The following NIM1K variants were observed in gnomAD, a reference collection of about 807,000 sequenced individuals.
NIM1K encodes the protein NIM1 serine/threonine protein kinase.
NIM1K carries 35 observed loss-of-function variants against 37.1 expected under a neutral mutation model. The observed-to-expected ratio is 0.94, with a 90% CI of 0.72 to 1.25. NIM1K has a LOEUF of 1.25. Among genes scored for constraint, NIM1K ranks in the 50% most tolerant of loss-of-function variants. The probability of loss-of-function intolerance (pLI) is 0.00; values close to 1 mark genes in which losing one functional copy is unlikely to be tolerated. For synonymous variants in NIM1K, 234 were observed against 206.6 expected, an observed-to-expected ratio of 1.13 and a Z score of -1.14; for missense variants, 564 against 548.0, an observed-to-expected ratio of 1.03 and a Z score of -0.29.
At chr5:43,255,437 T>C (rs1356251808) in intron 2 of NIM1K, among the ~76,000 whole-genome samples, 1 of 152,128 alleles carries the variant, frequency 6.6e-6, no homozygotes. Flanking sequence ...TTCATTGTAT[T>C]ATGTAGCGAT....
At chr5:43,219,176 C>A (rs184179354) in intron 1 of NIM1K, among the ~76,000 whole-genome samples, 1 of 152,148 alleles carries the variant, frequency 6.6e-6, no homozygotes, top group Non-Finnish European at 1.5e-5. Flanking sequence ...AATTATTAAA[C>A]CTCTTTCCTT....
At chr5:43,230,263 G>A (rs1194773341) in intron 1 of NIM1K, among the ~76,000 whole-genome samples, 1 of 152,020 alleles carries the variant, frequency 6.6e-6, no homozygotes, top group African/African-American at 2.4e-5. Context: ...CCTTCTCGGT[G>A]GCTCTGCAAT....
intron 2 of NIM1K, among the ~76,000 whole-genome samples, chr5:43,254,382 G>T (rs1025466531): frequency 1.3e-5 from 2 of 152,122 alleles, no homozygotes; most frequent in African/African-American, 4.8e-5. Context: ...CTTTCTTGGA[G>T]CCCAAGAGAA....
intron 2 of NIM1K, among the ~76,000 whole-genome samples, chr5:43,262,819 G>C (rs552924843): frequency 2.9e-4 from 44 of 152,160 alleles, no homozygotes; most frequent in South Asian, 8.3e-4. Flanking sequence ...TAGCATGAAG[G>C]GTTGTTGAAT....
At chr5:43,262,404 T>C (rs930458657) in intron 2 of NIM1K, among the ~76,000 whole-genome samples, 2 of 152,206 alleles carry the variant, frequency 1.3e-5, no homozygotes, top group African/African-American at 4.8e-5. Context: ...GATTTGGCTC[T>C]CTCTTTGTCT....
At chr5:43,276,012 C>A (rs1753334129) in intron 2 of NIM1K, among the ~76,000 whole-genome samples, 1 of 151,384 alleles carries the variant, frequency 6.6e-6, no homozygotes, top group Non-Finnish European at 1.5e-5. Flanking sequence ...AGTGATTCTC[C>A]TGCCTCAGCC....
Position 43,246,055 on chromosome 5 carries a change from T to G in NIM1K, c.280T>G (p.Ser94Ala). 6.2e-7 allele frequency: 1 copy of G among 1,610,886 alleles called. No homozygotes were observed. The highest frequency in any genetic ancestry group is 8.5e-7 in the Non-Finnish European group (1 of 1,178,144). The part of the protein sequence containing the change: ...NFSQVKLGIH[S>A]LTKEKVAIKI... ...CTCCCAAGTGAAGCTTGGGATTCACTCCCTAACCAAAGGTAGGATCCGACT... is the reference window on the plus strand; with the variant it reads ...CTCCCAAGTGAAGCTTGGGATTCACGCCCTAACCAAAGGTAGGATCCGACT... The change falls in exon 2 of 4, where the codon TCC becomes GCC. Residue 94 changes from serine to alanine, a missense_variant. Physicochemically the swap from Ser to Ala is moderately conservative, Grantham distance 99. Coordinates refer to ENST00000326035, the MANE Select transcript of NIM1K (RefSeq NM_153361.4).
At position 43,245,965 on chromosome 5, in the gene NIM1K, G is replaced by A; in HGVS notation, c.190G>A (p.Glu64Lys). 3 of 1,614,188 alleles carry A rather than the reference G, an allele frequency of 1.9e-6. No homozygotes were observed. In the African/African-American group the frequency reaches 4.0e-5, roughly 22 times the overall value. ...GTCCCAGGATGAGAAGGTGGTGAGG[G>A]AGATCACGCTGGGGAAACGGATAGG... The part of the protein sequence containing the change: ...DMSQDEKVVR[E>K]ITLGKRIGFY... Residue 64 changes from glutamate (E) to lysine (K), a missense_variant, in exon 2 of 4, where the codon GAG (glutamate) becomes AAG (lysine). Transcript: ENST00000326035.
At chr5:43,217,293 T>C (rs1274831838) in intron 1 of NIM1K, among the ~76,000 whole-genome samples, 1 of 152,180 alleles carries the variant, frequency 6.6e-6, no homozygotes, top group Non-Finnish European at 1.5e-5. Context: ...TTGTAGCATG[T>C]ATCGGTGCTT....
At chr5:43,262,374 G>A (rs940362417) in intron 2 of NIM1K, among the ~76,000 whole-genome samples, 3 of 152,094 alleles carry the variant, frequency 2.0e-5, no homozygotes, top group African/African-American at 7.2e-5. Context: ...TGAAGCAATT[G>A]TGAATGGGAT....
chr5:43,256,860 G>C (rs1018863184), intron 2 of NIM1K, among the ~76,000 whole-genome samples: 2 of 152,180 alleles, frequency 1.3e-5, no homozygotes, highest in Non-Finnish European at 2.9e-5. Context: ...CTGTCTATGG[G>C]CTGCCTTTCT....
At chr5:43,232,181 GCAGCATTGACGTCTTTGAGAACCATGT>G in intron 1 of NIM1K, 3 of 979,240 alleles carry the variant, frequency 3.1e-6, no homozygotes, top group Non-Finnish European at 4.8e-6. Flanking sequence ...GGTGGCAATG[GCAGCATTGACGTCTTTGAGAACCATGT>G]CACCACGGTA....
At chr5:43,230,861 T>A (rs979860262) in intron 1 of NIM1K, among the ~76,000 whole-genome samples, 2 of 152,278 alleles carry the variant, frequency 1.3e-5, no homozygotes, top group Non-Finnish European at 2.9e-5. Flanking sequence ...GAGCTTTTTT[T>A]TGTGCATGTA....
Position 43,198,210 on chromosome 5 carries a change from T to TCTTTCTTTCTTTCTTTCC in NIM1K, c.-695+5799_-695+5800insCTTTCTTTCTTTCTTTCC, listed in dbSNP as rs1186228297. On this transcript the variant is annotated intron_variant, in intron 1 of 3. Coordinates refer to ENST00000326035, the MANE Select transcript of NIM1K (RefSeq NM_153361.4). ...TTCTTTCTTTCTTTCTTTCTTTCTC[T>TCTTTCTTTCTTTCTTTCC]TTCTTTCTTTCTTTCTTTCTTTCTT... Among the ~76,000 whole-genome samples the TCTTTCTTTCTTTCTTTCC allele has an allele frequency of 1.3e-4, 11 of 82,320 alleles. No homozygotes were observed. In the East Asian group the frequency reaches 3.6e-3, roughly 27 times the overall value. 54.0% of individuals were successfully genotyped at this position (82,320 alleles called of 152,430 possible). A position where few individuals can be genotyped will look rare whatever the true frequency, so the allele number is the denominator to read the frequency against.
At chr5:43,214,813 C>CAAAA (rs369233525) in intron 1 of NIM1K, among the ~76,000 whole-genome samples, 2 of 71,722 alleles carry the variant, frequency 2.8e-5, no homozygotes, top group Admixed American at 1.7e-4. Context: ...GACTCCGTCT[C>CAAAA]AAAAAAAAAA....
chr5:43,250,010 G>C (rs1351381413), intron 2 of NIM1K, among the ~76,000 whole-genome samples: 1 of 151,676 alleles, frequency 6.6e-6, no homozygotes, highest in African/African-American at 2.4e-5. Flanking sequence ...CCACCACCAC[G>C]CCTGGCTAAT....
intron 1 of NIM1K, among the ~76,000 whole-genome samples, chr5:43,213,199 TTC>T (rs1491079845): frequency 1.5e-5 from 1 of 66,622 alleles, no homozygotes; most frequent in African/African-American, 5.3e-5. Flanking sequence ...CTTTCTTTCT[TTC>T]TTTCTTTCTT....
intron 1 of NIM1K, among the ~76,000 whole-genome samples, chr5:43,204,928 C>T (rs1010479429): frequency 6.6e-6 from 1 of 151,876 alleles, no homozygotes; most frequent in Non-Finnish European, 1.5e-5. Flanking sequence ...CCCGGGAGGT[C>T]GAGGCTGCAG....
At chr5:43,254,800 C>G (rs1443574527) in intron 2 of NIM1K, among the ~76,000 whole-genome samples, 1 of 151,922 alleles carries the variant, frequency 6.6e-6, no homozygotes, top group Non-Finnish European at 1.5e-5. Context: ...AACTTCTGGG[C>G]TCAAGCAATC....
Sources: gnomAD v4.1 joint callset for allele counts (sites outside exome capture counted in the v4.1 genomes callset) on GRCh38, gnomAD v4.1.1 for gene constraint, MANE v1.5 for transcripts, NCBI Gene and HGNC (gene_info 2026-07-23, HGNC 2026-07-21) for gene names.